The following SLC25A21 variants were observed in gnomAD, a reference collection of about 807,000 sequenced individuals.
The protein encoded by SLC25A21 is solute carrier family 25 member 21, also known as mitochondrial 2-oxodicarboxylate carrier.
SLC25A21 carries 47 observed loss-of-function variants against 43.8 expected under a neutral mutation model. That is an observed-to-expected ratio of 1.07 (90% confidence interval 0.85 to 1.37). The LOEUF (loss-of-function observed/expected upper bound fraction) is 1.37, where lower values mean the gene tolerates loss of function less well. Among genes scored for constraint, SLC25A21 ranks in the 40% most tolerant of loss-of-function variants. The pLI is 0.00. For synonymous variants in SLC25A21, 131 were observed against 121.3 expected, an observed-to-expected ratio of 1.08 and a Z score of -0.52; for missense variants, 352 against 350.2, an observed-to-expected ratio of 1.00 and a Z score of -0.04.
intron 1 of SLC25A21, among the ~76,000 whole-genome samples, chr14:37,065,496 T>A (rs537027673): frequency 5.3e-4 from 80 of 152,210 alleles, no homozygotes; most frequent in Middle Eastern, 6.8e-3. Flanking sequence ...TTCATGCAGG[T>A]GAGGAGACAA....
At chr14:37,045,802 T>A (rs1006122916) in intron 1 of SLC25A21, among the ~76,000 whole-genome samples, 1 of 152,214 alleles carries the variant, frequency 6.6e-6, no homozygotes, top group Non-Finnish European at 1.5e-5. Context: ...TCACAATTTC[T>A]CCACTCTAGA....
intron 3 of SLC25A21, among the ~76,000 whole-genome samples, chr14:36,787,643 A>T (rs557471378): frequency 6.6e-6 from 1 of 152,352 alleles, no homozygotes; most frequent in South Asian, 2.1e-4. Context: ...AATAAAATGG[A>T]TACAAATGTT....
At chr14:37,091,906 TC>T (rs1172071271) in intron 1 of SLC25A21, among the ~76,000 whole-genome samples, 1 of 152,086 alleles carries the variant, frequency 6.6e-6, no homozygotes, top group Non-Finnish European at 1.5e-5. Flanking sequence ...GGTGGGCAGA[TC>T]ATTTGTGGTC....
chr14:36,996,046 C>T (rs1463452110), intron 1 of SLC25A21, among the ~76,000 whole-genome samples: 1 of 152,170 alleles, frequency 6.6e-6, no homozygotes, highest in Non-Finnish European at 1.5e-5. Flanking sequence ...GCTTTCCAAC[C>T]TGGGTCTCCA....
chr14:36,868,584 T>C (rs572723542), intron 2 of SLC25A21, among the ~76,000 whole-genome samples: 1 of 152,318 alleles, frequency 6.6e-6, no homozygotes, highest in East Asian at 1.9e-4. Flanking sequence ...TGATAATTTC[T>C]AACCATCTTT....
chr14:36,855,532 C>T (rs1201002540), intron 2 of SLC25A21, among the ~76,000 whole-genome samples: 1 of 152,126 alleles, frequency 6.6e-6, no homozygotes, highest in African/African-American at 2.4e-5. Context: ...CCAGAAAGAT[C>T]CAGTCCAGTG....
At chr14:36,933,179 C>T (rs76494185) in intron 1 of SLC25A21, among the ~76,000 whole-genome samples, 1 of 152,094 alleles carries the variant, frequency 6.6e-6, no homozygotes, top group Non-Finnish European at 1.5e-5. Flanking sequence ...ACTGACAGTT[C>T]CTCACACAGG....
At chr14:37,100,513 T>C (rs1455530897) in intron 1 of SLC25A21, among the ~76,000 whole-genome samples, 1 of 152,204 alleles carries the variant, frequency 6.6e-6, no homozygotes. Flanking sequence ...TTGAGGTATC[T>C]CAACTGGAAT....
chr14:37,120,796 A>G (rs1367976770), intron 1 of SLC25A21, among the ~76,000 whole-genome samples: 2 of 152,124 alleles, frequency 1.3e-5, no homozygotes, highest in Non-Finnish European at 2.9e-5. Flanking sequence ...GCAATGAGAG[A>G]AAAGTATCCA....
intron 7 of SLC25A21, 57 bp from the exon 8 acceptor site, chr14:36,684,982 T>TAAAC: frequency 7.1e-7 from 1 of 1,399,518 alleles, no homozygotes; most frequent in Non-Finnish European, 9.8e-7. Context: ...CTAAATCAGT[T>TAAAC]AAACACTATA....
chr14:36,882,027 C>T (rs1279415254), intron 1 of SLC25A21, among the ~76,000 whole-genome samples: 1 of 152,162 alleles, frequency 6.6e-6, no homozygotes, highest in Non-Finnish European at 1.5e-5. Context: ...GTTGACTGCT[C>T]CTTTCTCTAC....
chr14:37,090,805 A>G (rs1269481451), intron 1 of SLC25A21, among the ~76,000 whole-genome samples: 4 of 152,148 alleles, frequency 2.6e-5, no homozygotes, highest in African/African-American at 9.7e-5. Context: ...TGTTTTCTTT[A>G]TTGTTTAAAC....
intron 1 of SLC25A21, among the ~76,000 whole-genome samples, chr14:36,938,832 G>T (rs1376451499): frequency 6.6e-6 from 1 of 151,834 alleles, no homozygotes; most frequent in African/African-American, 2.4e-5. Flanking sequence ...ACATAAATTA[G>T]TAAAAAAACA....
chr14:37,087,755 T>C (rs1962512674), intron 1 of SLC25A21, among the ~76,000 whole-genome samples: 1 of 152,208 alleles, frequency 6.6e-6, no homozygotes, highest in Non-Finnish European at 1.5e-5. Context: ...GAGTCTGTAA[T>C]CTTAGTGCAA....
chr14:37,056,958 AGAATTCGATTTGTTT>A (rs1200269614), intron 1 of SLC25A21, among the ~76,000 whole-genome samples: 3 of 152,248 alleles, frequency 2.0e-5, no homozygotes, highest in African/African-American at 7.2e-5. Context: ...CTACACACTG[AGAATTCGATTTGTTT>A]GGTTTCTTTA....
intron 1 of SLC25A21, among the ~76,000 whole-genome samples, chr14:37,012,274 G>A (rs968703088): frequency 3.3e-5 from 5 of 152,120 alleles, no homozygotes; most frequent in African/African-American, 1.2e-4. Flanking sequence ...TAGGAATAAA[G>A]GTTTAAAACC....
intron 1 of SLC25A21, among the ~76,000 whole-genome samples, chr14:37,096,289 T>C (rs1962692900): frequency 6.6e-6 from 1 of 152,212 alleles, no homozygotes; most frequent in Non-Finnish European, 1.5e-5. Context: ...TCTTTTAGTA[T>C]ACTGTCTTTG....
chr14:37,050,195 T>C (rs1961674730), intron 1 of SLC25A21, among the ~76,000 whole-genome samples: 1 of 152,242 alleles, frequency 6.6e-6, no homozygotes, highest in African/African-American at 2.4e-5. Flanking sequence ...GCAAAAATGC[T>C]ATACCTTAAG....
chr14:36,850,784 G>T (rs979588938), intron 2 of SLC25A21, among the ~76,000 whole-genome samples: 2 of 152,168 alleles, frequency 1.3e-5, no homozygotes, highest in Non-Finnish European at 2.9e-5. Flanking sequence ...GCCAAGAAGA[G>T]CAGGGATTCA....
Sources: allele counts gnomAD v4.1 joint callset (sites outside exome capture counted in the v4.1 genomes callset), GRCh38; gene constraint gnomAD v4.1.1; transcripts MANE v1.5; gene names NCBI Gene and HGNC (gene_info 2026-07-23, HGNC 2026-07-21).